Variants in RFX3 observed in about 807,000 individuals in gnomAD.
The protein encoded by RFX3 is regulatory factor X3.
RFX3 carries 14 observed loss-of-function variants against 98.6 expected under a neutral mutation model. The ratio of observed to expected loss-of-function variants is 0.14; its 90% confidence interval spans 0.09 to 0.22. The LOEUF (loss-of-function observed/expected upper bound fraction) is 0.22. Ranked by LOEUF, RFX3 falls within the 10% of genes least tolerant of loss-of-function variation. The pLI, the probability that RFX3 is intolerant of heterozygous loss-of-function variation, is 1.00. For synonymous variants in RFX3, 383 were observed against 328.4 expected (o/e 1.17, Z -1.80); for missense variants, 639 against 926.9 (o/e 0.69, Z 4.03).
intron 1 of RFX3, chr9:3,400,131 A>G: frequency 2.5e-6 from 1 of 393,984 alleles, no homozygotes; most frequent in Non-Finnish European, 3.5e-6. Context: ...GATTTTCCTT[A>G]TTTTAAAGAT....
At chr9:3,235,086 G>A (rs537393742) in intron 15 of RFX3, among the ~76,000 whole-genome samples, 3 of 152,208 alleles carry the variant, frequency 2.0e-5, no homozygotes, top group African/African-American at 4.8e-5. Context: ...GGATGAAGAC[G>A]GAAGAAGTCG....
chr9:3,387,332 G>C (rs1220159103), intron 2 of RFX3, among the ~76,000 whole-genome samples: 1 of 151,988 alleles, frequency 6.6e-6, no homozygotes. Flanking sequence ...TTAGAACATG[G>C]TATCTAGAAC....
At chr9:3,466,764 A>C (rs1230962626) in intron 1 of RFX3, among the ~76,000 whole-genome samples, 1 of 152,058 alleles carries the variant, frequency 6.6e-6, no homozygotes, top group Non-Finnish European at 1.5e-5. Context: ...GAAATCATCT[A>C]CTGTGGTCAA....
intron 2 of RFX3, among the ~76,000 whole-genome samples, chr9:3,380,971 T>C (rs1450098970): frequency 3.9e-5 from 6 of 152,162 alleles, no homozygotes; most frequent in African/African-American, 1.4e-4. Flanking sequence ...GATGCGCTGT[T>C]GCTTTGTTAT....
Position 3,467,066 on chromosome 9 carries a change from A to G in RFX3, c.-9+58681T>C, listed in dbSNP as rs375033201. Among the ~76,000 whole-genome samples the G allele has an allele frequency of 3.1e-3, 376 of 123,054 alleles. 4 individuals carry two copies. The highest frequency in any genetic ancestry group is 5.2e-3 in the Admixed American group (62 of 11,820). The allele number at this position is 123,054 out of a possible 152,430, so 80.7% of individuals were successfully genotyped here. A position where few individuals can be genotyped will look rare whatever the true frequency, so the allele number is the denominator to read the frequency against. On this transcript the variant is annotated intron_variant, in intron 1 of 16. Transcript: ENST00000617270. ...TATATATGTATATACATACATATATATAAGTATATATGTATATACATACAT... is the reference window on the plus strand; with the variant it reads ...TATATATGTATATACATACATATATGTAAGTATATATGTATATACATACAT...
Position 3,248,179 on chromosome 9 carries a change from C to T in RFX3, c.1821G>A (p.Met607Ile). Residue 607 changes from methionine (M) to isoleucine (I), a missense_variant, in exon 15 of 17, where the codon ATG becomes ATA. Met to Ile is a conservative substitution (Grantham distance 10). This residue lies in a region of RFX3 where 138 missense variants were observed against 308.9 expected (regional missense o/e 0.45). Coordinates refer to ENST00000617270, the MANE Select transcript of RFX3 (RefSeq NM_001282116.2). ...FLLKWSFYSS[M>I]VIRDLTLRSA... ...TGCGTAAGGTTAAGTCCCGAATAACCATTGAGCTGTTCCAAGAGAAAAGAC... is the reference window on the plus strand; with the variant it reads ...TGCGTAAGGTTAAGTCCCGAATAACTATTGAGCTGTTCCAAGAGAAAAGAC... 1 of 1,604,316 alleles carries T rather than the reference C, an allele frequency of 6.2e-7. No homozygotes were observed. The highest frequency in any genetic ancestry group is 8.5e-7 in the Non-Finnish European group (1 of 1,173,670).
intron 1 of RFX3, among the ~76,000 whole-genome samples, chr9:3,508,632 G>A (rs1306512080): frequency 6.6e-6 from 1 of 151,820 alleles, no homozygotes; most frequent in Non-Finnish European, 1.5e-5. Context: ...TTGAAGGTGA[G>A]GCTAAATCCA....
intron 15 of RFX3, among the ~76,000 whole-genome samples, chr9:3,242,448 C>T (rs2130877025): frequency 6.6e-6 from 1 of 150,412 alleles, no homozygotes; most frequent in Non-Finnish European, 1.5e-5. Context: ...TGATAATATT[C>T]TTTGCTTTTA....
At chr9:3,448,721 T>A (rs1846278483) in intron 1 of RFX3, among the ~76,000 whole-genome samples, 1 of 152,216 alleles carries the variant, frequency 6.6e-6, no homozygotes, top group African/African-American at 2.4e-5. Context: ...AATCTCACTA[T>A]GTTGCCCAGG....
intron 1 of RFX3, among the ~76,000 whole-genome samples, chr9:3,504,008 C>G (rs116570031): frequency 1.3e-5 from 2 of 150,998 alleles, no homozygotes; most frequent in Non-Finnish European, 3.0e-5. Flanking sequence ...TTCCAAAGAG[C>G]CTCCAACTTG....
chr9:3,243,968 T>A (rs117692235), intron 15 of RFX3, among the ~76,000 whole-genome samples: 481 of 152,034 alleles, frequency 3.2e-3, no homozygotes, highest in Non-Finnish European at 5.6e-3. Flanking sequence ...ACTTTTTGGT[T>A]CTGTGTCTCA....
chr9:3,518,494 A>G (rs1017187628), intron 1 of RFX3, among the ~76,000 whole-genome samples: 2 of 152,186 alleles, frequency 1.3e-5, no homozygotes, highest in African/African-American at 4.8e-5. Context: ...TACAATATAC[A>G]ATGCTTTGGC....
At chr9:3,525,440 C>T (rs950994592) in intron 1 of RFX3, among the ~76,000 whole-genome samples, 1 of 152,180 alleles carries the variant, frequency 6.6e-6, no homozygotes, top group African/African-American at 2.4e-5. Flanking sequence ...GGCTCCCTCT[C>T]CCGCTCGGCT....
At chr9:3,230,547 A>G (rs1818322257) in intron 15 of RFX3, among the ~76,000 whole-genome samples, 1 of 152,124 alleles carries the variant, frequency 6.6e-6, no homozygotes, top group East Asian at 1.9e-4. Context: ...TGAATTAAAG[A>G]ATATAATCTA....
At chr9:3,285,940 T>C (rs1041592330) in intron 7 of RFX3, among the ~76,000 whole-genome samples, 4 of 151,762 alleles carry the variant, frequency 2.6e-5, no homozygotes, top group African/African-American at 4.8e-5. Flanking sequence ...GCCTTACTTA[T>C]GTAACTCAGG....
rs1469004197 is a variant in RFX3 at position 3,220,741 on chromosome 9, A to C, written c.*4301T>G. On this transcript the variant is annotated 3_prime_UTR_variant, in exon 17 of 17. Coordinates refer to ENST00000617270, the MANE Select transcript of RFX3 (RefSeq NM_001282116.2). ...CTGAAAGGCTTTTGTCCCCCATTGT[A>C]TATCTTACAATGCTCAAAGGGTTAA... 3.9e-5 allele frequency: 6 copies of C among 152,018 alleles called. No individual in the cohort carries two copies. The highest frequency in any genetic ancestry group is 1.4e-4 in the African/African-American group (6 of 41,410). 9.4% of individuals were successfully genotyped at this position (152,018 alleles called of 1,614,324 possible).
chr9:3,225,064 C>T lies in RFX3; in HGVS notation c.2228G>A (p.Gly743Glu). Residue 743 changes from glycine (G) to glutamate (E), a missense_variant, in exon 17 of 17, where the codon GGA (glycine) becomes GAA (glutamate). Physicochemically the swap from Gly to Glu is moderately conservative, Grantham distance 98. Transcript: ENST00000617270. ...TQTIRQCSATGNTYTAV is the reference protein window; with the variant it reads ...TQTIRQCSATENTYTAV ...TCTTTAGACTGCAGTGTAGGTATTT[C>T]CTGTAGCGCTGCACTGTCTGATAGT... 6.2e-7 allele frequency: 1 copy of T among 1,613,870 alleles called. No individual in the cohort carries two copies. Among genetic ancestry groups the T allele is most frequent in the Non-Finnish European group, 8.5e-7 (1 of 1,179,862 alleles).
intron 7 of RFX3, among the ~76,000 whole-genome samples, chr9:3,283,566 T>C (rs527441092): frequency 5.9e-5 from 9 of 151,858 alleles, no homozygotes; most frequent in African/African-American, 2.2e-4. Flanking sequence ...TGATAAAAGT[T>C]CTTAAATTTC....
intron 14 of RFX3, among the ~76,000 whole-genome samples, chr9:3,254,992 A>T (rs1461440068): frequency 1.3e-5 from 2 of 152,186 alleles, no homozygotes; most frequent in African/African-American, 4.8e-5. Flanking sequence ...GGACTGTGGA[A>T]TTGTACCACT....
Sources: gnomAD v4.1 joint callset for allele counts (sites outside exome capture counted in the v4.1 genomes callset) on GRCh38, gnomAD v4.1.1 for gene constraint, gnomAD v4.1.1 regional missense constraint, MANE v1.5 for transcripts, NCBI Gene and HGNC (gene_info 2026-07-23, HGNC 2026-07-21) for gene names.